CDKN2B-AS1: variants seen among roughly 807,000 people sequenced by gnomAD.
The protein encoded by CDKN2B-AS1 is CDKN2B antisense RNA 1 (non-protein coding).
chr9:22,058,585 A>T (rs1461956423), intron 4 of CDKN2B-AS1: 2 of 152,276 alleles, frequency 1.3e-5, no homozygotes, highest in Non-Finnish European at 2.9e-5. Flanking sequence ...AAGCCCAATT[A>T]TGCTGTGGTA....
intron 4 of CDKN2B-AS1, among the ~76,000 whole-genome samples, chr9:22,060,248 T>G (rs1823759575): frequency 6.6e-6 from 1 of 152,230 alleles, no homozygotes; most frequent in African/African-American, 2.4e-5. Context: ...CCTTTAACAG[T>G]ACCCAAGTCA....
At position 21,995,931 on chromosome 9, in the gene CDKN2B-AS1, T is replaced by C. The variant is rs1300640033; in HGVS notation, n.29+770T>C. 6.5e-6 allele frequency: 1 copy of C among 152,674 alleles called. No individual in the cohort carries two copies. Among genetic ancestry groups the C allele is most frequent in the Non-Finnish European group, 1.5e-5 (1 of 68,440 alleles). The allele number at this position is 152,674 out of a possible 1,614,324, so 9.5% of individuals were successfully genotyped here. On this transcript the variant is annotated intron_variant and non_coding_transcript_variant, in intron 1 of 4. Coordinates refer to ENST00000650946, the Ensembl canonical transcript of CDKN2B-AS1. The surrounding 1 kb of genome is among the most constrained non-coding windows in gnomAD (Gnocchi z 5.7). ...CCCGCGGCCTGAGTGGGTGGGTGTG[T>C]GCCAGAGGATTCGGGACTAGGCCCA...
intron 4 of CDKN2B-AS1, among the ~76,000 whole-genome samples, chr9:22,097,058 A>T (rs542241130): frequency 7.8e-4 from 119 of 152,284 alleles, no homozygotes; most frequent in African/African-American, 2.8e-3. Context: ...CCTGTCTTCC[A>T]TCCATACCAA....
intron 4 of CDKN2B-AS1, among the ~76,000 whole-genome samples, chr9:22,114,124 T>C (rs1464026943): frequency 6.6e-6 from 1 of 152,198 alleles, no homozygotes; most frequent in Non-Finnish European, 1.5e-5. Context: ...GCATCAGGTA[T>C]GCAAATGAAC....
At chr9:22,121,235 C>T (rs1826094815) in intron 4 of CDKN2B-AS1, 1 of 151,956 alleles carries the variant, frequency 6.6e-6, no homozygotes, top group Non-Finnish European at 1.5e-5. Context: ...ACCAAACTAA[C>T]TTGGAGATAG....
At position 22,023,554 on chromosome 9, in the gene CDKN2B-AS1, T is replaced by G. The variant is rs188835536; in HGVS notation, n.30-23197T>G. Among the ~76,000 whole-genome samples, 3 of 151,812 alleles carry G rather than the reference T, an allele frequency of 2.0e-5. No homozygotes were observed. In the East Asian group the frequency reaches 5.8e-4, roughly 29 times the overall value. ...TTTGAGACCAGCCTGGATAATGTGG[T>G]GAAACCCCACCTCTACTAAAAATAC... On this transcript the variant is annotated intron_variant and non_coding_transcript_variant, in intron 1 of 4. Coordinates refer to ENST00000650946, the Ensembl canonical transcript of CDKN2B-AS1.
intron 4 of CDKN2B-AS1, among the ~76,000 whole-genome samples, chr9:22,071,549 G>A (rs1157385136): frequency 2.6e-5 from 4 of 151,978 alleles, no homozygotes; most frequent in Non-Finnish European, 5.9e-5. Flanking sequence ...GGCATTCTGT[G>A]TTCATAGTTC....
intron 4 of CDKN2B-AS1, chr9:22,118,744 C>T (rs1826023523): frequency 6.6e-6 from 1 of 152,160 alleles, no homozygotes; most frequent in Non-Finnish European, 1.5e-5. Flanking sequence ...AATTCCAGTG[C>T]AAGTATGGTC....
At chr9:22,127,553 G>A (rs1356717034) in exon 5 of CDKN2B-AS1, among the ~76,000 whole-genome samples, 4 of 152,180 alleles carry the variant, frequency 2.6e-5, no homozygotes, top group African/African-American at 9.7e-5. Flanking sequence ...TAACAGAGAA[G>A]GATGGTTTGG....
chr9:22,054,798 G>C (rs1171726495), intron 3 of CDKN2B-AS1, among the ~76,000 whole-genome samples: 1 of 133,472 alleles, frequency 7.5e-6, no homozygotes, highest in African/African-American at 2.8e-5. Flanking sequence ...TTTTTTTCTT[G>C]AGACAGAGTC....
intron 1 of CDKN2B-AS1, among the ~76,000 whole-genome samples, chr9:22,036,980 C>T (rs148492416): frequency 1.1e-4 from 16 of 152,054 alleles, no homozygotes; most frequent in Non-Finnish European, 2.4e-4. Context: ...ACCAGTTTGG[C>T]TCTGTGCATT....
chr9:22,094,872 G>C, intron 4 of CDKN2B-AS1, among the ~76,000 whole-genome samples: 1 of 142,804 alleles, frequency 7.0e-6, no homozygotes, highest in Admixed American at 6.7e-5. Context: ...GCATTCCTTT[G>C]GAGGAGGAGA....
At chr9:22,068,732 T>C (rs73650008) in intron 4 of CDKN2B-AS1, among the ~76,000 whole-genome samples, 4,524 of 152,290 alleles carry the variant, frequency 0.03, 186 homozygotes, top group African/African-American at 0.085. Context: ...TGTTTGTTTT[T>C]CCCAAGTCAT....
chr9:22,015,921 C>T (rs980217237), intron 1 of CDKN2B-AS1, among the ~76,000 whole-genome samples: 69 of 152,224 alleles, frequency 4.5e-4, no homozygotes, highest in Non-Finnish European at 4.6e-4. Flanking sequence ...TCATATCCTT[C>T]GCCCATTTTT....
intron 4 of CDKN2B-AS1, among the ~76,000 whole-genome samples, chr9:22,093,778 C>T (rs1220507251): frequency 6.9e-6 from 1 of 144,186 alleles, no homozygotes; most frequent in Non-Finnish European, 1.5e-5. Context: ...ATCCAATTTG[C>T]CAGTCTGTGT....
rs541575623 is a variant in CDKN2B-AS1 at position 22,060,374 on chromosome 9, T to C, written n.438+3987T>C. Among the ~76,000 whole-genome samples, 120 of 152,324 alleles carry C rather than the reference T, an allele frequency of 7.9e-4. 1 individual carries two copies. The highest frequency in any genetic ancestry group is 1.2e-3 in the Non-Finnish European group (83 of 68,030). On this transcript the variant is annotated intron_variant and non_coding_transcript_variant, in intron 4 of 4. Transcript: ENST00000650946. ...AGAGGCAAAATGCCACCAGTCTCTT[T>C]GCTAAAACCTAACAAGAGTCACATT... is the stretch of plus-strand genomic sequence containing the variant.
intron 4 of CDKN2B-AS1, among the ~76,000 whole-genome samples, chr9:22,122,909 AT>A (rs898325627): frequency 3.3e-5 from 5 of 151,346 alleles, no homozygotes; most frequent in South Asian, 2.1e-4. Context: ...AAATTTTAGA[AT>A]TTTTTTTTCT....
At chr9:22,064,715 C>T (rs971695791) in intron 4 of CDKN2B-AS1, among the ~76,000 whole-genome samples, 1 of 152,050 alleles carries the variant, frequency 6.6e-6, no homozygotes, top group Non-Finnish European at 1.5e-5. Context: ...TGAACATGGG[C>T]TGCCTCCTGT....
rs1821114928 is a variant in CDKN2B-AS1 at position 22,005,252 on chromosome 9, A to C, written n.29+10091A>C. On this transcript the variant is annotated intron_variant and non_coding_transcript_variant, in intron 1 of 4. Coordinates refer to ENST00000650946, the Ensembl canonical transcript of CDKN2B-AS1. The surrounding 1 kb of genome is among the most constrained non-coding windows in gnomAD (Gnocchi z 4.9). Reference sequence around the variant, plus strand: ...GGGAATCTCTCCTCAGTGTAGTAAGAGCAAAGGCCAGCATCCTGTGCAAAG... The same window carrying C: ...GGGAATCTCTCCTCAGTGTAGTAAGCGCAAAGGCCAGCATCCTGTGCAAAG... 1 of 234,786 alleles carries C rather than the reference A, an allele frequency of 4.3e-6. No individual in the cohort carries two copies. Among genetic ancestry groups the C allele is most frequent in the Non-Finnish European group, 8.4e-6 (1 of 119,194 alleles). 14.5% of individuals were successfully genotyped at this position (234,786 alleles called of 1,614,324 possible). A position where few individuals can be genotyped will look rare whatever the true frequency, so the allele number is the denominator to read the frequency against.
Sources: allele counts gnomAD v4.1 joint callset (sites outside exome capture counted in the v4.1 genomes callset), GRCh38; gene constraint gnomAD v4.1.1; non-coding constraint Gnocchi (gnomAD v3.1); transcripts MANE v1.5; gene names NCBI Gene and HGNC (gene_info 2026-07-23, HGNC 2026-07-21).